SMIM36: variants seen among roughly 807,000 people sequenced by gnomAD.
SMIM36 encodes the protein small integral membrane protein 36.
chr17:55,484,252 G>A (rs767180107), intron 1 of SMIM36, among the ~76,000 whole-genome samples: 16 of 152,180 alleles, frequency 1.1e-4, no homozygotes, highest in Non-Finnish European at 2.2e-4. Flanking sequence ...TAAAAGGAAA[G>A]AGTTAAGCAC....
intron 3 of SMIM36, among the ~76,000 whole-genome samples, chr17:55,470,875 T>G (rs1407348523): frequency 6.6e-6 from 1 of 152,116 alleles, no homozygotes; most frequent in Non-Finnish European, 1.5e-5. Context: ...CTGTTACCAC[T>G]GGCCTGTTAC....
At chr17:55,531,325 G>A in the SMIM36 span, among the ~76,000 whole-genome samples, 2 of 152,128 alleles carry the variant, frequency 1.3e-5, no homozygotes, top group Admixed American at 6.5e-5. Flanking sequence ...CTTCAAAACT[G>A]GCTCCAATTG....
chr17:55,494,419 C>T (rs1481348953), intron 1 of SMIM36, among the ~76,000 whole-genome samples: 1 of 152,022 alleles, frequency 6.6e-6, no homozygotes, highest in African/African-American at 2.4e-5. Context: ...AAAAAACTTC[C>T]TGGATCAAGT....
intron 1 of SMIM36, among the ~76,000 whole-genome samples, chr17:55,501,839 T>C (rs1286818038): frequency 6.7e-6 from 1 of 149,046 alleles, no homozygotes; most frequent in Non-Finnish European, 1.5e-5. Context: ...CACTAGGGAG[T>C]GCCAGACGGT....
At chr17:55,454,730 A>C (rs1395041685) in intron 4 of SMIM36, among the ~76,000 whole-genome samples, 1 of 152,238 alleles carries the variant, frequency 6.6e-6, no homozygotes, top group East Asian at 1.9e-4. Flanking sequence ...ATAAACTTGC[A>C]CAGGCAAGTT....
chr17:55,466,495 A>G (rs967784338), intron 4 of SMIM36, among the ~76,000 whole-genome samples: 5 of 152,144 alleles, frequency 3.3e-5, no homozygotes, highest in Non-Finnish European at 5.9e-5. Context: ...AAATAATCAC[A>G]TTCTGAAAAG....
the SMIM36 span, among the ~76,000 whole-genome samples, chr17:55,518,077 G>A: frequency 6.6e-6 from 1 of 152,198 alleles, no homozygotes; most frequent in East Asian, 1.9e-4. Flanking sequence ...CAGAATACTT[G>A]AGACTGGATA....
intron 3 of SMIM36, among the ~76,000 whole-genome samples, chr17:55,475,898 A>C (rs1909418833): frequency 6.6e-6 from 1 of 152,066 alleles, no homozygotes; most frequent in Non-Finnish European, 1.5e-5. Context: ...CCCTTACCCC[A>C]AAATCTTTCT....
At chr17:55,507,613 G>T (rs1391616873) in intron 1 of SMIM36, among the ~76,000 whole-genome samples, 1 of 136,710 alleles carries the variant, frequency 7.3e-6, no homozygotes, top group East Asian at 2.2e-4. Flanking sequence ...AGCATTGGGA[G>T]ATATACCTAA....
At chr17:55,481,730 G>A (rs1909524268) in intron 1 of SMIM36, among the ~76,000 whole-genome samples, 1 of 152,148 alleles carries the variant, frequency 6.6e-6, no homozygotes, top group Non-Finnish European at 1.5e-5. Context: ...GTCTCACTCT[G>A]TTGCCCAGGC....
At chr17:55,482,919 C>T (rs886828712) in intron 1 of SMIM36, among the ~76,000 whole-genome samples, 10 of 152,284 alleles carry the variant, frequency 6.6e-5, no homozygotes, top group South Asian at 4.1e-4. Flanking sequence ...ATTACACTTA[C>T]GACTATAGCT....
At chr17:55,463,692 G>C (rs912149815) in intron 4 of SMIM36, among the ~76,000 whole-genome samples, 19 of 152,168 alleles carry the variant, frequency 1.2e-4, no homozygotes, top group African/African-American at 4.6e-4. Flanking sequence ...TGATTAGTAA[G>C]TCCGTGGGTT....
At chr17:55,517,098 A>G in the SMIM36 span, among the ~76,000 whole-genome samples, 3 of 152,174 alleles carry the variant, frequency 2.0e-5, no homozygotes, top group Non-Finnish European at 4.4e-5. Context: ...TGCCCTATAT[A>G]ACACTGAATG....
chr17:55,477,977 C>G (rs1281534796), intron 3 of SMIM36, among the ~76,000 whole-genome samples: 2 of 151,368 alleles, frequency 1.3e-5, no homozygotes, highest in African/African-American at 4.9e-5. Context: ...CCAGCCTAAA[C>G]AAAGGGAGAT....
chr17:55,498,859 C>T (rs1430066180), intron 1 of SMIM36, among the ~76,000 whole-genome samples: 2 of 151,752 alleles, frequency 1.3e-5, no homozygotes, highest in African/African-American at 4.8e-5. Flanking sequence ...AATTAGCCTG[C>T]ATGGTGGCAT....
At chr17:55,530,947 A>C in the SMIM36 span, among the ~76,000 whole-genome samples, 1 of 152,166 alleles carries the variant, frequency 6.6e-6, no homozygotes, top group African/African-American at 2.4e-5. Context: ...ACAGGGAAAT[A>C]AATAAAATTT....
At chr17:55,514,218 T>A (rs1910228981), upstream of SMIM36, among the ~76,000 whole-genome samples, 1 of 152,118 alleles carries the variant, frequency 6.6e-6, no homozygotes, top group Non-Finnish European at 1.5e-5. Flanking sequence ...AAGCAGGGGC[T>A]GCTAAATAAA....
intron 1 of SMIM36, among the ~76,000 whole-genome samples, chr17:55,500,171 A>G (rs1196383235): frequency 6.6e-6 from 1 of 151,808 alleles, no homozygotes; most frequent in African/African-American, 2.4e-5. Flanking sequence ...CCCAGGCTGG[A>G]GGGTAGAGAG....
At chr17:55,477,950 G>A (rs1198339395) in intron 3 of SMIM36, among the ~76,000 whole-genome samples, 6 of 151,872 alleles carry the variant, frequency 4.0e-5, no homozygotes. Context: ...AGCTGGGAAA[G>A]TGAATATTTG....
Sources: allele counts gnomAD v4.1 joint callset (sites outside exome capture counted in the v4.1 genomes callset), GRCh38; gene constraint gnomAD v4.1.1; transcripts MANE v1.5; gene names NCBI Gene and HGNC (gene_info 2026-07-23, HGNC 2026-07-21).